Variants in EIF6 observed in about 807,000 individuals in gnomAD.
The protein encoded by EIF6 is B4 integrin interactor.
A neutral mutation model predicts 25.5 loss-of-function variants in EIF6; 10 were observed. That is an observed-to-expected ratio of 0.39 (90% CI 0.24 to 0.66). The LOEUF (loss-of-function observed/expected upper bound fraction) is 0.66. Among genes scored for constraint, EIF6 ranks in the 30% least tolerant of loss-of-function variants. The probability of loss-of-function intolerance (pLI) is 0.45; values close to 1 mark genes in which losing one functional copy is unlikely to be tolerated. For synonymous variants in EIF6, 122 were observed against 122.6 expected, an observed-to-expected ratio of 1.00 and a Z score of 0.03; for missense variants, 246 against 315.4, an observed-to-expected ratio of 0.78 and a Z score of 1.67.
chr20:35,279,975 A>C lies in EIF6; in HGVS notation c.513T>G (p.Asp171Glu). 3 of 1,614,152 alleles carry C rather than the reference A, an allele frequency of 1.9e-6. No homozygotes were observed. Among genetic ancestry groups the C allele is most frequent in the Non-Finnish European group, 2.5e-6 (3 of 1,179,992 alleles). ...VHPKTSIEDQ[D>E]ELSSLLQVPL... ...GGACTTGAAGAAGAGAGGACAGCTC[A>C]TCCTGGTCTTCAATTGAAGTCTTGG... is the stretch of plus-strand genomic sequence containing the variant. The change falls in exon 5 of 7, where the codon GAT (aspartate) becomes GAG (glutamate). Residue 171 changes from aspartate to glutamate, a missense_variant. Asp to Glu is a conservative substitution (Grantham distance 45, BLOSUM62 2). Transcript: ENST00000374450.
rs1364174114 is a variant in EIF6, at chr20:35,279,662, G to C, written c.632C>G (p.Thr211Ser). 1 of 1,614,202 alleles carries C rather than the reference G, an allele frequency of 6.2e-7. No homozygotes were observed. ...CTCCACCACTGACAGCTCTGTGCTG[G>C]TTGTGTCCAGGCCACAGAAGGCACA... Reference protein sequence around the residue: ...DWCAFCGLDTTSTELSVVESV... With the variant: ...DWCAFCGLDTSSTELSVVESV... Residue 211 changes from threonine (T) to serine (S), a missense_variant, in exon 6 of 7, where the codon ACC (threonine) becomes AGC (serine). Thr to Ser is a moderately conservative substitution (Grantham distance 58). Coordinates refer to ENST00000374450, the MANE Select transcript of EIF6 (RefSeq NM_002212.4).
rs566941414 is a variant in EIF6 at position 35,279,127 on chromosome 20, T to C, written c.*70A>G. The C allele has an allele frequency of 2.9e-5, 47 of 1,604,170 alleles. No individual in the cohort carries two copies. Among genetic ancestry groups the C allele is most frequent in the East Asian group, 6.7e-5 (3 of 44,770 alleles). ...CCTCCCTGCCAGCATCCGGTACAGA[T>C]TGGGCGGAATGTGGAGAAGGTTGGC... On this transcript the variant is annotated 3_prime_UTR_variant, in exon 7 of 7. Coordinates refer to ENST00000374450, the MANE Select transcript of EIF6 (RefSeq NM_002212.4).
At chr20:35,279,357 A>T in intron 6 of EIF6, 151 bp from the exon 7 acceptor site, 1 of 1,304,046 alleles carries the variant, frequency 7.7e-7, no homozygotes, top group Non-Finnish European at 1.1e-6. Flanking sequence ...CTGAAAAACC[A>T]CAAAGATGAG....
Position 35,284,511 on chromosome 20 carries a change from G to A in EIF6, c.-5-19C>T, listed in dbSNP as rs781121688. On this transcript the variant is annotated intron_variant, in intron 1 of 6. Coordinates refer to ENST00000374450, the MANE Select transcript of EIF6 (RefSeq NM_002212.4). Reference sequence around the variant, plus strand: ...ATGAGGCCTAGGGGCGGCGGAGGCGGGAGTTCAAGGCCGGCGGATCCTTTC... The same window carrying A: ...ATGAGGCCTAGGGGCGGCGGAGGCGAGAGTTCAAGGCCGGCGGATCCTTTC... 6 of 1,579,268 alleles carry A rather than the reference G, an allele frequency of 3.8e-6. No homozygotes were observed. Among genetic ancestry groups the A allele is most frequent in the Non-Finnish European group, 5.2e-6 (6 of 1,156,324 alleles).
chr20:35,284,231 G>A lies in EIF6; in HGVS notation c.138C>T (p.Ile46=). The A allele has an allele frequency of 6.2e-7, 1 of 1,609,030 alleles. No homozygotes were observed. ...CGGCGATAGACGCGTGCACCACGGG[G>A]ATGGTATCGGAGAGCTCGCCCTCGA... ...SVFEGELSDT[I]PVVHASIAGC... The change falls in exon 3 of 7, where the codon ATC becomes ATT. Residue 46 remains isoleucine (I), a synonymous_variant. Transcript: ENST00000374450.
chr20:35,282,155 A>AT (rs1215269505), intron 3 of EIF6, among the ~76,000 whole-genome samples: 22 of 151,804 alleles, frequency 1.4e-4, no homozygotes, highest in Admixed American at 1.4e-3. Flanking sequence ...CACCTGGCTA[A>AT]TTTTTTTGTA....
chr20:35,279,465 A>C, intron 6 of EIF6, 101 bp downstream of exon 6: 2 of 1,497,684 alleles, frequency 1.3e-6, no homozygotes, highest in Middle Eastern at 3.5e-4. Context: ...CTACCAGAAC[A>C]AACTGGTAGG....
Position 35,284,441 on chromosome 20 carries a change from A to C in EIF6, c.47T>G (p.Phe16Cys). ...SFENNCEIGC[F>C]AKLTNTYCLV... is the part of the protein sequence containing the mutation. ...ACAGTAGGTGTTGGTGAGCTTGGCA[A>C]AGCAGCCGATCTCACAGTTGTTCTC... is the stretch of plus-strand genomic sequence containing the variant. Residue 16 changes from phenylalanine to cysteine, a missense_variant, in exon 2 of 7, where the codon TTT becomes TGT. Physicochemically the swap from Phe to Cys is radical, Grantham distance 205 (BLOSUM62 -2). Coordinates refer to ENST00000374450, the MANE Select transcript of EIF6 (RefSeq NM_002212.4). The C allele has an allele frequency of 6.2e-7, 1 of 1,613,510 alleles. No homozygotes were observed. The highest frequency in any genetic ancestry group is 2.2e-5 in the East Asian group (1 of 44,852).
chr20:35,279,136 A>G lies in EIF6; in HGVS notation c.*61T>C. 1 of 1,610,276 alleles carries G rather than the reference A, an allele frequency of 6.2e-7. No individual in the cohort carries two copies. Among genetic ancestry groups the G allele is most frequent in the Non-Finnish European group, 8.5e-7 (1 of 1,176,828 alleles). ...CAGCATCCGGTACAGATTGGGCGGAATGTGGAGAAGGTTGGCCACAGTCCA... is the reference window on the plus strand; with the variant it reads ...CAGCATCCGGTACAGATTGGGCGGAGTGTGGAGAAGGTTGGCCACAGTCCA... On this transcript the variant is annotated 3_prime_UTR_variant, in exon 7 of 7. Coordinates refer to ENST00000374450, the MANE Select transcript of EIF6 (RefSeq NM_002212.4).
intron 2 of EIF6, 59 bp from the exon 3 acceptor site, chr20:35,284,320 G>T (rs1034431579): frequency 1.2e-6 from 2 of 1,613,722 alleles, no homozygotes; most frequent in Non-Finnish European, 1.7e-6. Flanking sequence ...TCCCACTGCC[G>T]GAGCTCTTGA....
Position 35,280,718 on chromosome 20 carries a change from G to A in EIF6, c.305C>T (p.Ser102Leu). ...GCAGGTGGTGACATTGCCCAAGGCT[G>A]AGAGCCGCTCCTCCACCCGCCTAAT... The part of the protein sequence containing the change: ...VQIRRVEERL[S>L]ALGNVTTCND... The change falls in exon 4 of 7, where the codon TCA becomes TTA. Residue 102 changes from serine (S) to leucine (L), a missense_variant. By Grantham distance (145) the Ser-to-Leu change is moderately radical. Transcript: ENST00000374450. 3 of 1,613,916 alleles carry A rather than the reference G, an allele frequency of 1.9e-6. No individual in the cohort carries two copies. The highest frequency in any genetic ancestry group is 8.5e-7 in the Non-Finnish European group (1 of 1,179,904).
intron 3 of EIF6, among the ~76,000 whole-genome samples, chr20:35,281,191 C>G (rs1051577280): frequency 1.1e-4 from 17 of 151,996 alleles, no homozygotes; most frequent in Admixed American, 2.0e-4. Context: ...TCGAGATCAT[C>G]CTGGCTAACA....
chr20:35,279,232 C>A, intron 6 of EIF6, 26 bp from the exon 7 acceptor site: 1 of 1,612,512 alleles, frequency 6.2e-7, no homozygotes, highest in South Asian at 1.1e-5. Context: ...AGCGCACGGT[C>A]AGTAGCTGTT....
intron 3 of EIF6, among the ~76,000 whole-genome samples, chr20:35,283,415 G>A (rs1208043260): frequency 6.6e-6 from 1 of 152,240 alleles, no homozygotes; most frequent in Non-Finnish European, 1.5e-5. Context: ...TGAGCAGGAA[G>A]ACCGCATATC....
chr20:35,279,389 T>C (rs2060749970), intron 6 of EIF6, among the ~76,000 whole-genome samples, 177 bp downstream of exon 6: 1 of 152,178 alleles, frequency 6.6e-6, no homozygotes. Context: ...GCTCAAGAAA[T>C]ATTTTTTGAA....
At chr20:35,284,127 A>G (rs759917857) in intron 3 of EIF6, 49 bp downstream of exon 3, 95 of 1,536,932 alleles carry the variant, frequency 6.2e-5, no homozygotes, top group Non-Finnish European at 7.2e-5. Flanking sequence ...GGTGTAATTA[A>G]TGGTGCTTGG....
chr20:35,284,288 CG>C (rs760400349), intron 2 of EIF6, 27 bp from the exon 3 acceptor site: 16 of 1,613,782 alleles, frequency 9.9e-6, no homozygotes, highest in East Asian at 4.5e-5. Flanking sequence ...TCGGTGGTGG[CG>C]GGGCAGAGGG....
At chr20:35,280,536 G>A in intron 4 of EIF6, 118 bp downstream of exon 4, 17 of 1,225,006 alleles carry the variant, frequency 1.4e-5, no homozygotes, top group Non-Finnish European at 1.9e-5. Flanking sequence ...TGAAACTCAA[G>A]AGCCCATATA....
At chr20:35,284,662 G>GC in intron 1 of EIF6, 64 bp downstream of exon 1, 1 of 730,858 alleles carries the variant, frequency 1.4e-6, no homozygotes, top group Non-Finnish European at 2.2e-6. Context: ...GAATCCTCTG[G>GC]CCCCCACCCC....
Sources: allele counts gnomAD v4.1 joint callset (sites outside exome capture counted in the v4.1 genomes callset), GRCh38; gene constraint gnomAD v4.1.1; transcripts MANE v1.5; gene names NCBI Gene and HGNC (gene_info 2026-07-23, HGNC 2026-07-21).